CCDC102B: variants seen among roughly 807,000 people sequenced by gnomAD.
CCDC102B encodes coiled-coil domain-containing protein 102B.
In CCDC102B, 75 loss-of-function variants were observed where a neutral mutation model predicts 57.4. The ratio of observed to expected loss-of-function variants is 1.31; its 90% confidence interval spans 1.08 to 1.58. The LOEUF (loss-of-function observed/expected upper bound fraction) is 1.58, where lower values mean the gene tolerates loss of function less well. Ranked by LOEUF, CCDC102B falls within the 40% of genes most tolerant of loss-of-function variation. The probability of loss-of-function intolerance (pLI) is 0.00; values close to 1 mark genes in which losing one functional copy is unlikely to be tolerated. For missense variants in CCDC102B, 636 were observed against 582.6 expected (o/e 1.09, Z -0.94); for synonymous variants, 206 against 201.9 (o/e 1.02, Z -0.17).
intron 6 of CCDC102B, among the ~76,000 whole-genome samples, chr18:68,911,889 C>A (rs2040887714): frequency 8.4e-6 from 1 of 118,944 alleles, no homozygotes; most frequent in Non-Finnish European, 1.9e-5. Context: ...AACATGAAAA[C>A]AAAAAAGTAA....
At position 68,988,752 on chromosome 18, in the gene CCDC102B, A is replaced by G. The variant is rs149388168; in HGVS notation, c.1264-22182A>G. ...ACATATTTCAGCAGTATTGGTGTGC[A>G]AGAAACATTGTACCATTATATTGCA... On this transcript the variant is annotated intron_variant, in intron 6 of 7. Coordinates refer to ENST00000360242, the MANE Select transcript of CCDC102B (RefSeq NM_024781.3). Among the ~76,000 whole-genome samples, 1,012 of 152,312 alleles carry G rather than the reference A, an allele frequency of 6.6e-3. 3 individuals are homozygous for G. The highest frequency in any genetic ancestry group is 0.01 in the Non-Finnish European group (711 of 68,006).
chr18:68,863,935 A>T (rs114623872), intron 4 of CCDC102B, among the ~76,000 whole-genome samples: 36 of 152,090 alleles, frequency 2.4e-4, no homozygotes, highest in African/African-American at 7.9e-4. Context: ...GATATACTGG[A>T]ATCATCCTGT....
intron 2 of CCDC102B, 21 bp downstream of exon 2, chr18:68,837,390 T>A: frequency 6.3e-7 from 1 of 1,588,612 alleles, no homozygotes; most frequent in South Asian, 1.2e-5. Flanking sequence ...AATCCAGAGA[T>A]GATGTGAATT....
rs766715174 is a variant in CCDC102B, at chr18:68,838,836, T to C, written c.737T>C (p.Ile246Thr). ...AAAACTGGGCTGAGACTGAAAGCAATAAATCTGCCTTTGGAAAATGAAGTA... is the reference window on the plus strand; with the variant it reads ...AAAACTGGGCTGAGACTGAAAGCAACAAATCTGCCTTTGGAAAATGAAGTA... Reference protein sequence around the residue: ...ETKTGLRLKAINLPLENEVTE... With the variant: ...ETKTGLRLKATNLPLENEVTE... Residue 246 changes from isoleucine to threonine, a missense_variant, in exon 3 of 8, where the codon ATA (isoleucine) becomes ACA (threonine). Coordinates refer to ENST00000360242, the MANE Select transcript of CCDC102B (RefSeq NM_024781.3). 1 of 1,614,000 alleles carries C rather than the reference T, an allele frequency of 6.2e-7. No homozygotes were observed. Among genetic ancestry groups the C allele is most frequent in the Non-Finnish European group, 8.5e-7 (1 of 1,179,940 alleles).
At chr18:68,775,075 T>C (rs1035139785) in intron 2 of CCDC102B, among the ~76,000 whole-genome samples, 2 of 151,306 alleles carry the variant, frequency 1.3e-5, no homozygotes, top group South Asian at 2.1e-4. Context: ...GACATCACTT[T>C]ATAGTCACAT....
At chr18:68,959,399 G>C (rs1269037582) in intron 6 of CCDC102B, among the ~76,000 whole-genome samples, 1 of 152,116 alleles carries the variant, frequency 6.6e-6, no homozygotes, top group Non-Finnish European at 1.5e-5. Context: ...TGCAGGTGGG[G>C]TAACACAAGC....
chr18:68,897,116 A>G (rs1350214454), intron 5 of CCDC102B, 103 bp from the exon 6 acceptor site: 2 of 790,456 alleles, frequency 2.5e-6, no homozygotes, highest in East Asian at 2.5e-5. Flanking sequence ...GTATCAGTGG[A>G]CATATCCATG....
At chr18:69,008,798 T>G (rs1352370522) in intron 6 of CCDC102B, among the ~76,000 whole-genome samples, 2 of 152,214 alleles carry the variant, frequency 1.3e-5, no homozygotes, top group African/African-American at 4.8e-5. Flanking sequence ...AAAAGTCGCT[T>G]TATATCAGCT....
chr18:68,990,328 T>G (rs1471428173), intron 6 of CCDC102B, among the ~76,000 whole-genome samples: 1 of 152,150 alleles, frequency 6.6e-6, no homozygotes, highest in Non-Finnish European at 1.5e-5. Flanking sequence ...ATCTTCCCAT[T>G]ATTCATCTTG....
intron 6 of CCDC102B, among the ~76,000 whole-genome samples, chr18:68,956,399 AATATAT>A (rs1568352091): frequency 1.3e-5 from 1 of 79,728 alleles, no homozygotes; most frequent in African/African-American, 6.2e-5. Flanking sequence ...TATATATATA[AATATAT>A]TTTATATATA....
chr18:68,963,638 G>C (rs910399935), intron 6 of CCDC102B, among the ~76,000 whole-genome samples: 1 of 151,750 alleles, frequency 6.6e-6, no homozygotes, highest in Admixed American at 6.6e-5. Flanking sequence ...CCTACTTAGA[G>C]AATATTATAA....
intron 2 of CCDC102B, among the ~76,000 whole-genome samples, chr18:68,739,477 G>A (rs1409031859): frequency 6.6e-6 from 1 of 152,176 alleles, no homozygotes; most frequent in Non-Finnish European, 1.5e-5. Context: ...TGACATGAGA[G>A]TCTAGGTCAA....
At chr18:68,772,627 T>A (rs564180342) in intron 2 of CCDC102B, among the ~76,000 whole-genome samples, 1 of 152,242 alleles carries the variant, frequency 6.6e-6, no homozygotes, top group East Asian at 1.9e-4. Context: ...CTTTTGTTAT[T>A]CCTTGATAGA....
intron 2 of CCDC102B, among the ~76,000 whole-genome samples, chr18:68,752,672 G>A (rs1054281592): frequency 6.6e-6 from 1 of 152,068 alleles, no homozygotes; most frequent in African/African-American, 2.4e-5. Flanking sequence ...ATGATTATAA[G>A]ATTTATTCAA....
intron 5 of CCDC102B, among the ~76,000 whole-genome samples, chr18:68,895,082 A>C (rs1568316081): frequency 6.6e-6 from 1 of 151,774 alleles, no homozygotes; most frequent in Admixed American, 6.6e-5. Flanking sequence ...TTTTATTCTG[A>C]TAAGTGAGGC....
chr18:68,982,573 A>C (rs17080024), intron 6 of CCDC102B, among the ~76,000 whole-genome samples: 10,281 of 152,016 alleles, frequency 0.068, 612 homozygotes, highest in African/African-American at 0.15. Context: ...AAGATGCTGT[A>C]TAATTCTCTT....
intron 6 of CCDC102B, among the ~76,000 whole-genome samples, chr18:69,010,556 G>A (rs1291994588): frequency 6.6e-6 from 1 of 152,112 alleles, no homozygotes; most frequent in Admixed American, 6.5e-5. Context: ...CATGTAGTGT[G>A]CTAACTTTTA....
At chr18:68,833,191 T>G (rs2144774849) in intron 1 of CCDC102B, among the ~76,000 whole-genome samples, 1 of 152,238 alleles carries the variant, frequency 6.6e-6, no homozygotes, top group South Asian at 2.1e-4. Flanking sequence ...CCAAACTGGG[T>G]TGACCCCTTC....
chr18:68,990,716 A>G (rs561732947), intron 6 of CCDC102B, among the ~76,000 whole-genome samples: 1 of 152,292 alleles, frequency 6.6e-6, no homozygotes, highest in South Asian at 2.1e-4. Flanking sequence ...TTATTCAATT[A>G]GGCCCCAATC....
Sources: gnomAD v4.1 joint callset for allele counts (sites outside exome capture counted in the v4.1 genomes callset) on GRCh38, gnomAD v4.1.1 for gene constraint, MANE v1.5 for transcripts, NCBI Gene and HGNC (gene_info 2026-07-23, HGNC 2026-07-21) for gene names.